The following RPL15 variants were observed in gnomAD, a reference collection of about 807,000 sequenced individuals.
RPL15 encodes large ribosomal subunit protein eL15.
For synonymous variants in RPL15, 97 were observed against 95.1 expected (o/e 1.02, Z -0.12); for missense variants, 161 against 271.8 (o/e 0.59, Z 2.87).
intron 3 of RPL15, 24 bp from the exon 4 acceptor site, chr3:23,919,166 ATTGACC>A: frequency 6.6e-7 from 1 of 1,511,896 alleles, no homozygotes; most frequent in South Asian, 1.1e-5. Context: ...AATGTGGGAG[ATTGACC>A]TTGGGCCTTT....
chr3:23,921,916 C>A, downstream of RPL15: 1 of 337,046 alleles, frequency 3.0e-6, no homozygotes, highest in Non-Finnish European at 5.4e-6. Context: ...ACTATGTTGC[C>A]CAGGTTGGTC....
intron 2 of RPL15, 85 bp downstream of exon 2, chr3:23,918,116 CAG>C (rs1704775950): frequency 1.3e-6 from 2 of 1,486,948 alleles, no homozygotes; most frequent in Middle Eastern, 2.0e-4. Flanking sequence ...ACTGCTGCCT[CAG>C]TGTCTTTCTT....
In RPL15 at chr3:23,917,986, A is replaced by G; in HGVS notation, c.127A>G (p.Thr43Ala). 1 of 1,612,234 alleles carries G rather than the reference A, an allele frequency of 6.2e-7. No homozygotes were observed. Among genetic ancestry groups the G allele is most frequent in the Non-Finnish European group, 8.5e-7 (1 of 1,179,416 alleles). ...LSALHRAPRP[T>A]RPDKARRLGY... Reference sequence around the variant, plus strand: ...TGCTCTCCACAGGGCTCCCCGCCCCACCCGGCCTGATAAAGCGCGCCGACT... The same window carrying G: ...TGCTCTCCACAGGGCTCCCCGCCCCGCCCGGCCTGATAAAGCGCGCCGACT... The change falls in exon 2 of 4, where the codon ACC (threonine) becomes GCC (alanine). Residue 43 changes from threonine (T) to alanine (A), a missense_variant. Coordinates refer to ENST00000307839, the MANE Select transcript of RPL15 (RefSeq NM_002948.5).
In RPL15 at chr3:23,917,726, T is replaced by C. The variant is rs564973213; in HGVS notation, c.-10-124T>C. 6.2e-6 allele frequency: 6 copies of C among 972,764 alleles called. No homozygotes were observed. The East Asian group carries it at 1.3e-4, about 22-fold the overall frequency. The allele number at this position is 972,764 out of a possible 1,614,324, so 60.3% of individuals were successfully genotyped here. On this transcript the variant is annotated intron_variant, in intron 1 of 3. Coordinates refer to ENST00000307839, the MANE Select transcript of RPL15 (RefSeq NM_002948.5). Reference sequence around the variant, plus strand: ...GGTTGGGCTAGCTGTCCCCGGCAGTTGGTGCAGAGCCATTTTCATTCCCGG... The same window carrying C: ...GGTTGGGCTAGCTGTCCCCGGCAGTCGGTGCAGAGCCATTTTCATTCCCGG...
chr3:23,921,610 TCTCA>T (rs113086273), downstream of RPL15: 732 of 492,102 alleles, frequency 1.5e-3, 4 homozygotes, highest in African/African-American at 0.013. Context: ...GGAGTCTCAC[TCTCA>T]CTCAGGTGGG....
chr3:23,919,870 G>T lies in RPL15; in HGVS notation c.*369G>T. On this transcript the variant is annotated 3_prime_UTR_variant, in exon 4 of 4. Coordinates refer to ENST00000307839, the MANE Select transcript of RPL15 (RefSeq NM_002948.5). ...ATCGGAGTGATGGCAATGCTCTGCT[G>T]GTTTATTTTCAAGTGGCTGCGTTTT... 1.0e-6 allele frequency: 1 copy of T among 1,002,260 alleles called. No homozygotes were observed. Among genetic ancestry groups the T allele is most frequent in the Admixed American group, 5.8e-5 (1 of 17,276 alleles). 62.1% of individuals were successfully genotyped at this position (1,002,260 alleles called of 1,614,324 possible).
chr3:23,919,426 C>T lies in RPL15; in HGVS notation c.540C>T (p.Phe180=). Residue 180 remains phenylalanine, a synonymous_variant, in exon 4 of 4, where the codon TTC becomes TTT. Transcript: ENST00000307839. Reference sequence around the variant, plus strand: ...GTGGCCTTGGAAAGGGCCACAAGTTCCACCACACTATTGGTGGCTCTCGCC... The same window carrying T: ...GTGGCCTTGGAAAGGGCCACAAGTTTCACCACACTATTGGTGGCTCTCGCC... ...KSRGLGKGHK[F]HHTIGGSRRA... 2 of 1,604,664 alleles carry T rather than the reference C, an allele frequency of 1.2e-6. No individual in the cohort carries two copies. Among genetic ancestry groups the T allele is most frequent in the Admixed American group, 3.3e-5 (2 of 60,016 alleles).
chr3:23,923,379 C>G (rs1038136875), downstream of RPL15: 4 of 152,066 alleles, frequency 2.6e-5, no homozygotes, highest in African/African-American at 9.7e-5. Context: ...GCCACTACAT[C>G]CAGCTATTTT....
chr3:23,921,253 C>T (rs1705064879), downstream of RPL15, among the ~76,000 whole-genome samples: 1 of 151,922 alleles, frequency 6.6e-6, no homozygotes, highest in African/African-American at 2.4e-5. Context: ...GTTTTATCTC[C>T]ACACAGTAGT....
intron 2 of RPL15, 57 bp downstream of exon 2, chr3:23,918,088 A>T: frequency 6.4e-7 from 1 of 1,565,570 alleles, no homozygotes; most frequent in East Asian, 2.3e-5. Context: ...AAAGTTGGAA[A>T]CCAGCTGTTA....
downstream of RPL15, chr3:23,921,692 G>A (rs9755750): frequency 0.32 from 210,526 of 658,514 alleles, 38,181 homozygotes; most frequent in African/African-American, 0.64. Context: ...CTTCTGCCTC[G>A]GCCTCCCAAA....
intron 3 of RPL15, 143 bp from the exon 4 acceptor site, chr3:23,919,053 C>G: frequency 1.6e-6 from 1 of 633,430 alleles, no homozygotes; most frequent in South Asian, 1.9e-5. Flanking sequence ...TTGTGATAGT[C>G]TAGGGAGAAA....
intron 2 of RPL15, 139 bp downstream of exon 2, chr3:23,918,170 G>C: frequency 9.1e-7 from 1 of 1,099,794 alleles, no homozygotes; most frequent in Non-Finnish European, 1.3e-6. Context: ...ACACTGGTCA[G>C]TTACTGTATG....
intron 1 of RPL15, chr3:23,917,382 G>T (rs533704154): frequency 4.6e-5 from 7 of 153,800 alleles, no homozygotes; most frequent in African/African-American, 1.4e-4. Flanking sequence ...ATTCGAGCTG[G>T]GCCCGGATCC....
downstream of RPL15, among the ~76,000 whole-genome samples, chr3:23,921,348 T>A (rs1263712203): frequency 6.6e-6 from 1 of 152,178 alleles, no homozygotes; most frequent in Non-Finnish European, 1.5e-5. Context: ...TCTTCCCACT[T>A]TATGTGTGAC....
rs1176746638 is a variant in RPL15 at position 23,919,588 on chromosome 3, A to G, written c.*87A>G. ...CAGGTGTTATTTGTCTGTTAAAACT[A>G]GTCTGCAGATGTTTCTTGAATGCTT... On this transcript the variant is annotated 3_prime_UTR_variant, in exon 4 of 4. Transcript: ENST00000307839. 2 of 1,427,998 alleles carry G rather than the reference A, an allele frequency of 1.4e-6. No homozygotes were observed. Among genetic ancestry groups the G allele is most frequent in the Admixed American group, 2.9e-5 (1 of 34,784 alleles). 88.5% of individuals were successfully genotyped at this position (1,427,998 alleles called of 1,614,324 possible).
At chr3:23,923,716 A>G (rs1705156559), downstream of RPL15, 1 of 152,216 alleles carries the variant, frequency 6.6e-6, no homozygotes, top group Admixed American at 6.5e-5. Context: ...TAAAAATTGT[A>G]TGTATATAAT....
chr3:23,924,147 A>G (rs1158260191), downstream of RPL15: 2 of 152,260 alleles, frequency 1.3e-5, no homozygotes, highest in East Asian at 1.9e-4. Flanking sequence ...ATCAGACAGC[A>G]TGAGTGGTAA....
chr3:23,918,883 GCT>G, intron 3 of RPL15: 1 of 512,566 alleles, frequency 2.0e-6, no homozygotes, highest in Non-Finnish European at 3.4e-6. Flanking sequence ...ACGTTGCTGA[GCT>G]CTCAGTTGTA....
Sources: gnomAD v4.1 joint callset for allele counts (sites outside exome capture counted in the v4.1 genomes callset) on GRCh38, gnomAD v4.1.1 for gene constraint, MANE v1.5 for transcripts, NCBI Gene and HGNC (gene_info 2026-07-23, HGNC 2026-07-21) for gene names.